Variants in SETBP1 observed in about 807,000 individuals in gnomAD.
SETBP1 encodes the protein SET binding protein 1.
A neutral mutation model predicts 101.0 loss-of-function variants in SETBP1; 9 were observed. That is an observed-to-expected ratio of 0.09 (90% confidence interval 0.05 to 0.16). The LOEUF is 0.16. Ranked by LOEUF, SETBP1 falls within the 10% of genes least tolerant of loss-of-function variation. The probability of loss-of-function intolerance (pLI) is 1.00; values close to 1 mark genes in which losing one functional copy is unlikely to be tolerated. For missense variants in SETBP1, 1,858 were observed against 2,033.8 expected, an observed-to-expected ratio of 0.91 and a Z score of 1.66; for synonymous variants, 818 against 788.5, an observed-to-expected ratio of 1.04 and a Z score of -0.63.
intron 2 of SETBP1, among the ~76,000 whole-genome samples, chr18:44,722,252 G>A (rs1370184221): frequency 1.3e-5 from 2 of 152,136 alleles, no homozygotes; most frequent in Non-Finnish European, 1.5e-5. Context: ...AGGAATCCTG[G>A]GAACCTGTTT....
intron 5 of SETBP1, among the ~76,000 whole-genome samples, chr18:45,045,817 G>C (rs911588860): frequency 7.2e-5 from 11 of 152,102 alleles, no homozygotes; most frequent in Admixed American, 3.3e-4. Context: ...CTGACACATA[G>C]TAAGAGTTTG....
At position 45,063,939 on chromosome 18, in the gene SETBP1, G is replaced by T. The variant is rs1009366378; in HGVS notation, c.*241G>T. 3 of 465,146 alleles carry T rather than the reference G, an allele frequency of 6.4e-6. No individual in the cohort carries two copies. The highest frequency in any genetic ancestry group is 2.0e-5 in the African/African-American group (1 of 49,338). 28.8% of individuals were successfully genotyped at this position (465,146 alleles called of 1,614,324 possible). A position where few individuals can be genotyped will look rare whatever the true frequency, so the allele number is the denominator to read the frequency against. On this transcript the variant is annotated 3_prime_UTR_variant, in exon 6 of 6. Transcript: ENST00000649279. ...TTCACCGCAGCTCCCACCACGCGGCGCTTCAGTACGGCTGGATCCTCCGCA... is the reference window on the plus strand; with the variant it reads ...TTCACCGCAGCTCCCACCACGCGGCTCTTCAGTACGGCTGGATCCTCCGCA...
chr18:44,891,641 T>TC (rs2069772560), intron 3 of SETBP1, among the ~76,000 whole-genome samples: 1 of 105,206 alleles, frequency 9.5e-6, no homozygotes, highest in Non-Finnish European at 2.1e-5. Context: ...GTTCTATTCC[T>TC]GAAAAAAAAA....
chr18:44,751,164 A>G (rs2070372813), intron 2 of SETBP1, among the ~76,000 whole-genome samples: 1 of 152,184 alleles, frequency 6.6e-6, no homozygotes, highest in Non-Finnish European at 1.5e-5. Context: ...GACAGTGAAA[A>G]GGGTAGGCAA....
intron 4 of SETBP1, among the ~76,000 whole-genome samples, chr18:44,963,602 G>A (rs138201268): frequency 1.8e-3 from 269 of 152,052 alleles, no homozygotes; most frequent in Middle Eastern, 3.4e-3. Context: ...AAAATGCTAC[G>A]TGCTGACTGG....
chr18:44,703,438 T>G (rs1255886521), intron 2 of SETBP1, among the ~76,000 whole-genome samples: 1 of 145,846 alleles, frequency 6.9e-6, no homozygotes, highest in African/African-American at 2.5e-5. Context: ...AGGAATCATA[T>G]TATTTCTTTA....
At chr18:44,813,466 C>T (rs894475026) in intron 2 of SETBP1, among the ~76,000 whole-genome samples, 5 of 152,118 alleles carry the variant, frequency 3.3e-5, no homozygotes, top group Non-Finnish European at 7.4e-5. Flanking sequence ...GCTTGGATTT[C>T]CTGCAAAATG....
intron 2 of SETBP1, among the ~76,000 whole-genome samples, chr18:44,853,480 A>T (rs2072912498): frequency 6.6e-6 from 1 of 152,170 alleles, no homozygotes; most frequent in Non-Finnish European, 1.5e-5. Flanking sequence ...ACATCGAAAC[A>T]TCCCCATCCA....
At chr18:44,804,017 G>T (rs2071671903) in intron 2 of SETBP1, among the ~76,000 whole-genome samples, 1 of 152,044 alleles carries the variant, frequency 6.6e-6, no homozygotes, top group African/African-American at 2.4e-5. Context: ...TAGTTATCAG[G>T]ACAAGGTAAG....
chr18:45,046,018 CA>C (rs1180682384), intron 5 of SETBP1, among the ~76,000 whole-genome samples: 1 of 152,042 alleles, frequency 6.6e-6, no homozygotes, highest in Non-Finnish European at 1.5e-5. Context: ...TTGAGAACCA[CA>C]AGGTCAAGTT....
chr18:44,798,122 A>T (rs2071522067), intron 2 of SETBP1, among the ~76,000 whole-genome samples: 2 of 152,220 alleles, frequency 1.3e-5, no homozygotes, highest in African/African-American at 2.4e-5. Context: ...ACATCTGGAG[A>T]TTCATAGACC....
intron 3 of SETBP1, among the ~76,000 whole-genome samples, chr18:44,874,843 C>T (rs1051138767): frequency 2.0e-5 from 3 of 152,192 alleles, no homozygotes; most frequent in African/African-American, 4.8e-5. Flanking sequence ...TAATGCCAAA[C>T]CCCAAAGTAT....
At chr18:44,707,880 G>A (rs942250205) in intron 2 of SETBP1, among the ~76,000 whole-genome samples, 9 of 152,202 alleles carry the variant, frequency 5.9e-5, no homozygotes, top group Non-Finnish European at 1.2e-4. Context: ...ACTCTGTGTA[G>A]AGGAGCTTAA....
At chr18:45,033,962 C>A (rs1400522670) in intron 4 of SETBP1, among the ~76,000 whole-genome samples, 1 of 152,114 alleles carries the variant, frequency 6.6e-6, no homozygotes, top group Non-Finnish European at 1.5e-5. Context: ...GTTTGTTTTT[C>A]TTCCTATAGA....
chr18:44,994,395 T>C, intron 4 of SETBP1, among the ~76,000 whole-genome samples: 1 of 152,184 alleles, frequency 6.6e-6, no homozygotes, highest in South Asian at 2.1e-4. Context: ...GATTAAAGAA[T>C]TATGGGATTA....
rs139417483 is a variant in SETBP1, at chr18:44,900,988, C to A, written c.540+31705C>A. Among the ~76,000 whole-genome samples, 1,069 of 152,248 alleles carry A rather than the reference C, an allele frequency of 7.0e-3. 17 individuals are homozygous for A. Among genetic ancestry groups the A allele is most frequent in the African/African-American group, 0.024 (994 of 41,540 alleles). On this transcript the variant is annotated intron_variant, in intron 3 of 5. Transcript: ENST00000649279. ...GAAACAAATAAAATCTCCTGTCTCC[C>A]CCGACCTTTTTAATTTAACATGTGA...
chr18:45,060,635 A>G (rs2073876162), intron 5 of SETBP1, among the ~76,000 whole-genome samples: 3 of 152,200 alleles, frequency 2.0e-5, no homozygotes, highest in Middle Eastern at 3.2e-3. Context: ...GTAGATTTAC[A>G]CTATCAGAAT....
chr18:44,927,340 C>T (rs1010171959), intron 3 of SETBP1, among the ~76,000 whole-genome samples: 4 of 152,148 alleles, frequency 2.6e-5, no homozygotes, highest in African/African-American at 7.2e-5. Flanking sequence ...CACAGACAGG[C>T]GCCAGTGCTC....
intron 2 of SETBP1, among the ~76,000 whole-genome samples, chr18:44,805,404 AAGTGTG>A (rs2071707468): frequency 7.1e-6 from 1 of 140,434 alleles, no homozygotes; most frequent in Non-Finnish European, 1.5e-5. Flanking sequence ...ATGCACATGT[AAGTGTG>A]TGTGTGTGTG....
Sources: gnomAD v4.1 joint callset for allele counts (sites outside exome capture counted in the v4.1 genomes callset) on GRCh38, gnomAD v4.1.1 for gene constraint, MANE v1.5 for transcripts, NCBI Gene and HGNC (gene_info 2026-07-23, HGNC 2026-07-21) for gene names.